The following CROCC2 variants were observed in gnomAD, a reference collection of about 807,000 sequenced individuals.
CROCC2 encodes ciliary rootlet coiled-coil protein 2.
CROCC2 carries 163 observed loss-of-function variants against 177.6 expected under a neutral mutation model. The ratio of observed to expected loss-of-function variants is 0.92; its 90% CI spans 0.81 to 1.05. The LOEUF is 1.05. Among genes scored for constraint, CROCC2 ranks in the 50% least tolerant of loss-of-function variants. The probability of loss-of-function intolerance (pLI) is 0.00; values close to 1 mark genes in which losing one functional copy is unlikely to be tolerated. For synonymous variants in CROCC2, 904 were observed against 787.3 expected (o/e 1.15, Z -2.48); for missense variants, 1,929 against 1,797.8 (o/e 1.07, Z -1.32).
At chr2:240,957,343 C>T (rs1471835870) in intron 19 of CROCC2, 8 of 152,344 alleles carry the variant, frequency 5.3e-5, no homozygotes, top group Non-Finnish European at 1.0e-4. Flanking sequence ...CTGGCAAGGA[C>T]GCAGGGTTGG....
chr2:240,919,247 G>A (rs74464626), intron 2 of CROCC2, among the ~76,000 whole-genome samples: 3,699 of 152,136 alleles, frequency 0.024, 129 homozygotes, highest in East Asian at 0.15. Context: ...GCATCATATC[G>A]ATACCCACAG....
chr2:240,913,972 TTCCCCG>T (rs2059303171), intron 1 of CROCC2, among the ~76,000 whole-genome samples: 1 of 152,222 alleles, frequency 6.6e-6, no homozygotes, highest in Non-Finnish European at 1.5e-5. Flanking sequence ...AAGGCCAGAC[TTCCCCG>T]CCCAGGGATG....
intron 14 of CROCC2, among the ~76,000 whole-genome samples, chr2:240,939,574 T>G (rs78573532): frequency 0.014 from 2,200 of 152,254 alleles, 49 homozygotes; most frequent in African/African-American, 0.05. Context: ...ACTTATTTCT[T>G]AAATGTTTGG....
intron 15 of CROCC2, among the ~76,000 whole-genome samples, chr2:240,948,531 C>T (rs879888944): frequency 3.8e-4 from 58 of 152,300 alleles, no homozygotes; most frequent in African/African-American, 1.2e-3. Context: ...CACAGGGCAG[C>T]GAACAGCAAC....
At chr2:240,926,586 C>T (rs1305914261) in intron 5 of CROCC2, among the ~76,000 whole-genome samples, 3 of 152,240 alleles carry the variant, frequency 2.0e-5, no homozygotes, top group Admixed American at 6.5e-5. Context: ...CCCAGGAAGA[C>T]GGGCCCCCCG....
Position 240,988,775 on chromosome 2 carries a change from G to C in CROCC2, c.4588G>C (p.Ala1530Pro). Residue 1530 changes from alanine to proline, a missense_variant, in exon 29 of 32, where the codon GCG (alanine) becomes CCG (proline). By Grantham distance (27) the Ala-to-Pro change is conservative. Around this residue, in one of 3 missense-constraint regions of CROCC2, gnomAD observed 388 missense variants for 352.7 expected, o/e 1.10. Transcript: ENST00000690015. ...GACACTGAAGAGGGAGGAGGATGTG[G>C]CGAGGCTGGGGGCTGAGAAGGAGCA... ...QETLKREEDV[A>P]RLGAEKEQLD... 8.6e-6 allele frequency: 13 copies of C among 1,508,714 alleles called. No individual in the cohort carries two copies. The African/African-American group carries it at 9.7e-5, about 11-fold the overall frequency. 93.5% of individuals were successfully genotyped at this position (1,508,714 alleles called of 1,614,324 possible).
At chr2:240,950,007 A>G (rs549073263) in intron 17 of CROCC2, among the ~76,000 whole-genome samples, 1 of 152,296 alleles carries the variant, frequency 6.6e-6, no homozygotes, top group East Asian at 1.9e-4. Flanking sequence ...CCCCACACCC[A>G]TTAGAGCCGT....
chr2:240,956,511 C>A, intron 19 of CROCC2: 1 of 153,662 alleles, frequency 6.5e-6, no homozygotes, highest in Admixed American at 6.4e-5. Context: ...GACAGCCCCC[C>A]AGCAAAGAGC....
rs117664621 is a variant in CROCC2 at position 240,939,934 on chromosome 2, T to A, written c.2169+4346T>A. On this transcript the variant is annotated intron_variant, in intron 14 of 31. Coordinates refer to ENST00000690015, the MANE Select transcript of CROCC2 (RefSeq NM_001351305.2). The stretch of plus-strand genomic sequence containing the variant: ...TCTGTATTATTTGAATGGATTTAAA[T>A]GTATTATGTCCCAGTCTGTTGTCTA... 2.1e-3 allele frequency among the ~76,000 whole-genome samples: 322 copies of A among 152,332 alleles called. 7 individuals are homozygous for A. In the East Asian group the frequency reaches 0.058, roughly 27 times the overall value.
At chr2:240,983,727 C>T in intron 28 of CROCC2, 1 of 810,770 alleles carries the variant, frequency 1.2e-6, no homozygotes, top group Non-Finnish European at 1.8e-6. Context: ...AGGACGCCCG[C>T]AGGTGGCCAC....
At chr2:240,969,864 G>A (rs1057319189) in intron 27 of CROCC2, among the ~76,000 whole-genome samples, 2 of 151,998 alleles carry the variant, frequency 1.3e-5, no homozygotes, top group African/African-American at 2.4e-5. Flanking sequence ...CCAAGTAGTC[G>A]GGATTACAGG....
At chr2:240,968,070 C>T (rs2059695654) in intron 26 of CROCC2, 59 bp from the exon 27 acceptor site, 3 of 1,372,726 alleles carry the variant, frequency 2.2e-6, no homozygotes, top group Non-Finnish European at 2.8e-6. Context: ...CCCTGCATTG[C>T]CTGCCTGTGA....
In CROCC2 at chr2:240,935,497, G is replaced by T; in HGVS notation, c.2078G>T (p.Cys693Phe). 7.4e-7 allele frequency: 1 copy of T among 1,346,602 alleles called. No individual in the cohort carries two copies. Among genetic ancestry groups the T allele is most frequent in the East Asian group, 3.0e-5 (1 of 33,414 alleles). The allele number at this position is 1,346,602 out of a possible 1,614,324, so 83.4% of individuals were successfully genotyped here. A position where few individuals can be genotyped will look rare whatever the true frequency, so the allele number is the denominator to read the frequency against. Residue 693 changes from cysteine to phenylalanine, a missense_variant, in exon 14 of 32, where the codon TGC becomes TTC. By Grantham distance (205) the Cys-to-Phe change is radical. Transcript: ENST00000690015. Reference protein sequence around the residue: ...RAERRGLQQACGRLEQRQEQL... With the variant: ...RAERRGLQQAFGRLEQRQEQL... ...GAGCGCAGGGGCCTGCAGCAGGCCT[G>T]CGGACGCCTGGAGCAGCGGCAGGAG...
Position 240,955,926 on chromosome 2 carries a change from TAGAGCGGGTACAGCAGGAGGCAC to T in CROCC2, c.2903_2925del (p.Arg968ProfsTer14). 6.5e-7 allele frequency: 1 copy of T among 1,534,762 alleles called. No homozygotes were observed. The highest frequency in any genetic ancestry group is 1.4e-5 in the African/African-American group (1 of 73,102). ...GAGCTCTCCAGGGCCAGGAGGACGC[TAGAGCGGGTACAGCAGGAGGCAC>T]AGAGCCAGCAGGAGCAAGCGCAGGT... is the stretch of plus-strand genomic sequence containing the variant. On this transcript the variant is annotated frameshift_variant, in exon 19 of 32. Coordinates refer to ENST00000690015, the MANE Select transcript of CROCC2 (RefSeq NM_001351305.2). LOFTEE classifies it high-confidence loss of function.
rs1213536536 is a variant in CROCC2, at chr2:240,972,122, A to AT, written c.4401+3867dup. On this transcript the variant is annotated intron_variant, in intron 27 of 31. Transcript: ENST00000690015. This position sits in a 1 kb window ranked among gnomAD's most constrained non-coding sequence, Gnocchi z 7.1. ...AACCCCAGTGGATACTAGTTTTGTGATTTTTTTCCTTTGCGTGTCTTTAAA... is the reference window on the plus strand; with the variant it reads ...AACCCCAGTGGATACTAGTTTTGTGATTTTTTTTCCTTTGCGTGTCTTTAAA... 1.3e-5 allele frequency among the ~76,000 whole-genome samples: 2 copies of AT among 151,992 alleles called. No individual in the cohort carries two copies. Among genetic ancestry groups the AT allele is most frequent in the African/African-American group, 2.4e-5 (1 of 41,374 alleles).
At chr2:240,921,293 G>T (rs2059355773) in intron 3 of CROCC2, among the ~76,000 whole-genome samples, 1 of 152,140 alleles carries the variant, frequency 6.6e-6, no homozygotes, top group Non-Finnish European at 1.5e-5. Context: ...CCCCACACGG[G>T]AAACACGTTT....
chr2:240,964,289 C>G, intron 21 of CROCC2, 177 bp from the exon 22 acceptor site: 3 of 716,354 alleles, frequency 4.2e-6, no homozygotes, highest in Non-Finnish European at 7.0e-6. Context: ...GGCACCGGGA[C>G]CTGGGTGGAC....
intron 20 of CROCC2, 140 bp downstream of exon 20, chr2:240,959,584 T>C: frequency 8.7e-7 from 1 of 1,146,290 alleles, no homozygotes; most frequent in Non-Finnish European, 1.2e-6. Flanking sequence ...TCCCTGGGAC[T>C]AGGAAGAGGC....
intron 27 of CROCC2, among the ~76,000 whole-genome samples, chr2:240,971,361 T>A (rs187763929): frequency 1.3e-5 from 2 of 152,172 alleles, no homozygotes; most frequent in East Asian, 1.9e-4. Flanking sequence ...CCGAGCAACA[T>A]GTTACCAGCT....
Sources: gnomAD v4.1 joint callset for allele counts (sites outside exome capture counted in the v4.1 genomes callset) on GRCh38, gnomAD v4.1.1 for gene constraint, gnomAD v4.1.1 regional missense constraint, Gnocchi (gnomAD v3.1) non-coding constraint, MANE v1.5 for transcripts, NCBI Gene and HGNC (gene_info 2026-07-23, HGNC 2026-07-21) for gene names.